HACL2: variants seen among roughly 807,000 people sequenced by gnomAD.
The protein encoded by HACL2 is 2-hydroxyacyl-CoA lyase 2, also known as 2-hydroxyacyl-CoA lyase 1 like.
the HACL2 span, chr19:15,115,451 G>T: frequency 4.8e-5 from 78 of 1,610,718 alleles, no homozygotes; most frequent in South Asian, 8.2e-4. Context: ...AGATTAAGTC[G>T]GATAGTGGCA....
chr19:15,120,082 C>T, the HACL2 span: 2 of 1,541,862 alleles, frequency 1.3e-6, no homozygotes, highest in Non-Finnish European at 1.8e-6. Context: ...CTCTAAATAC[C>T]TGCAAAAGGG....
chr19:15,118,158 C>G, the HACL2 span: 1 of 992,750 alleles, frequency 1.0e-6, no homozygotes. Flanking sequence ...GACCTTGCAG[C>G]TCCCCACACC....
the HACL2 span, chr19:15,125,137 C>T: frequency 2.8e-5 from 39 of 1,401,826 alleles, no homozygotes; most frequent in Non-Finnish European, 3.5e-5. Flanking sequence ...AATCGCGCCC[C>T]TTCTCGCAGC....
At chr19:15,116,343 C>T in the HACL2 span, 1 of 1,614,016 alleles carries the variant, frequency 6.2e-7, no homozygotes, top group Non-Finnish European at 8.5e-7. Flanking sequence ...CAGCGAAGGT[C>T]ACCAGGGTTG....
the HACL2 span, chr19:15,123,273 C>G: frequency 1.2e-6 from 2 of 1,611,050 alleles, no homozygotes; most frequent in Non-Finnish European, 1.7e-6. This position sits in a 1 kb window ranked among gnomAD's most constrained non-coding sequence, Gnocchi z 5.1. Flanking sequence ...ACAGCCATGC[C>G]CACTCTCTTG....
the HACL2 span, chr19:15,124,072 A>G: frequency 3.1e-5 from 5 of 163,202 alleles, no homozygotes; most frequent in Admixed American, 5.6e-5. Context: ...GATGGACGCT[A>G]AACAGGCCCA....
At chr19:15,115,573 G>A in the HACL2 span, 2 of 1,612,992 alleles carry the variant, frequency 1.2e-6, no homozygotes, top group Non-Finnish European at 1.7e-6. Flanking sequence ...CACCAGTGTA[G>A]GCCAGGCCAC....
At chr19:15,115,379 C>T in the HACL2 span, 15 of 1,613,890 alleles carry the variant, frequency 9.3e-6, no homozygotes, top group African/African-American at 8.0e-5. Context: ...CTCGTTCTCC[C>T]GTGAGAGCAG....
chr19:15,123,613 G>A, the HACL2 span: 46 of 1,591,274 alleles, frequency 2.9e-5, no homozygotes, highest in East Asian at 2.7e-4. This position sits in a 1 kb window ranked among gnomAD's most constrained non-coding sequence, Gnocchi z 5.1. Flanking sequence ...AAAGTTAAAG[G>A]CCAGGGCAGA....
At chr19:15,121,238 G>T in the HACL2 span, among the ~76,000 whole-genome samples, 2 of 152,064 alleles carry the variant, frequency 1.3e-5, no homozygotes, top group African/African-American at 4.8e-5. Flanking sequence ...CAACCTGGGG[G>T]ACAAAGCGAG....
the HACL2 span, chr19:15,122,911 G>A: frequency 9.9e-6 from 16 of 1,609,172 alleles, no homozygotes; most frequent in Middle Eastern, 1.6e-4. The surrounding 1 kb of genome is among the most constrained non-coding windows in gnomAD (Gnocchi z 4.0). Flanking sequence ...CCGACTGGGC[G>A]GCAGCCATCG....
At chr19:15,118,991 A>G in the HACL2 span, among the ~76,000 whole-genome samples, 1 of 152,260 alleles carries the variant, frequency 6.6e-6, no homozygotes, top group Admixed American at 6.5e-5. Flanking sequence ...GTTACAGGGC[A>G]GTAGCTATCT....
chr19:15,116,097 G>C, the HACL2 span: 1 of 1,613,274 alleles, frequency 6.2e-7, no homozygotes, highest in Non-Finnish European at 8.5e-7. Flanking sequence ...GCAGGTGGGT[G>C]TGAAGGCGTC....
the HACL2 span, chr19:15,124,640 C>T: frequency 2.1e-6 from 1 of 474,618 alleles, no homozygotes; most frequent in South Asian, 2.6e-5. Context: ...GCACAGAGTG[C>T]TGTCCATCTG....
chr19:15,119,237 C>T, the HACL2 span: 79 of 1,608,880 alleles, frequency 4.9e-5, no homozygotes, highest in Middle Eastern at 5.0e-4. Context: ...GGGGTGGTTG[C>T]GGCCTAACAG....
the HACL2 span, chr19:15,115,090 G>C: frequency 2.5e-6 from 2 of 788,712 alleles, no homozygotes; most frequent in South Asian, 1.5e-5. Flanking sequence ...GAGCTCACAA[G>C]AGAGCCTCTC....
the HACL2 span, chr19:15,123,654 C>T: frequency 1.5e-6 from 2 of 1,370,698 alleles, no homozygotes; most frequent in Non-Finnish European, 2.0e-6. The surrounding 1 kb of genome is among the most constrained non-coding windows in gnomAD (Gnocchi z 5.1). Context: ...AATCCCCCTG[C>T]CCCAGGTAAG....
the HACL2 span, among the ~76,000 whole-genome samples, chr19:15,122,429 GAAGA>G: frequency 8.5e-5 from 13 of 152,092 alleles, no homozygotes; most frequent in Admixed American, 1.3e-4. This position sits in a 1 kb window ranked among gnomAD's most constrained non-coding sequence, Gnocchi z 4.0. Flanking sequence ...TGGAGGAGGA[GAAGA>G]AAGGGAAAAG....
At chr19:15,116,171 G>C in the HACL2 span, 2 of 1,613,612 alleles carry the variant, frequency 1.2e-6, no homozygotes, top group Non-Finnish European at 1.7e-6. Flanking sequence ...GCCAGCGCAG[G>C]GGGCCGCGGG....
Sources: gnomAD v4.1 joint callset for allele counts (sites outside exome capture counted in the v4.1 genomes callset) on GRCh38, gnomAD v4.1.1 for gene constraint, Gnocchi (gnomAD v3.1) non-coding constraint, MANE v1.5 for transcripts, NCBI Gene and HGNC (gene_info 2026-07-23, HGNC 2026-07-21) for gene names.